The following WWOX variants were observed in gnomAD, a reference collection of about 807,000 sequenced individuals.
WWOX encodes the protein WW domain-containing oxidoreductase.
Under a neutral mutation model 46.2 loss-of-function variants are expected in WWOX, and 69 were observed. The observed-to-expected ratio is 1.49, with a 90% confidence interval of 1.23 to 1.82. The LOEUF is 1.82. Ranked by LOEUF, WWOX falls within the 40% of genes most tolerant of loss-of-function variation. WWOX has a pLI of 0.00. For missense variants in WWOX, 919 were observed against 542.6 expected, an observed-to-expected ratio of 1.69 and a Z score of -6.89; for synonymous variants, 359 against 202.6, an observed-to-expected ratio of 1.77 and a Z score of -6.56.
chr16:78,972,552 C>T (rs2151324769), intron 8 of WWOX, among the ~76,000 whole-genome samples: 1 of 151,498 alleles, frequency 6.6e-6, no homozygotes, highest in South Asian at 2.1e-4. Context: ...TGAAGAGTAG[C>T]AAATTTACCG....
intron 8 of WWOX, among the ~76,000 whole-genome samples, chr16:78,909,467 G>T (rs926145625): frequency 2.0e-5 from 3 of 152,180 alleles, no homozygotes; most frequent in Non-Finnish European, 4.4e-5. Flanking sequence ...TGTCAAAACA[G>T]GAGCTGTATT....
At chr16:78,659,100 AC>A (rs2047150305) in intron 8 of WWOX, among the ~76,000 whole-genome samples, 3 of 147,210 alleles carry the variant, frequency 2.0e-5, no homozygotes, top group East Asian at 2.0e-4. Flanking sequence ...TCAAAAAAAA[AC>A]AAACAAACAA....
chr16:78,111,265 A>C lies in WWOX; in HGVS notation c.230+1430A>C, dbSNP rs186590261. On this transcript the variant is annotated intron_variant, in intron 3 of 8. Transcript: ENST00000566780. Reference sequence around the variant, plus strand: ...ACTGTTTCAGTATAATAAAGAAAGTAGTTAGAATAAGAATAGTCATAATAC... The same window carrying C: ...ACTGTTTCAGTATAATAAAGAAAGTCGTTAGAATAAGAATAGTCATAATAC... Among the ~76,000 whole-genome samples the C allele has an allele frequency of 1.4e-3, 220 of 152,326 alleles. 1 individual carries two copies. The highest frequency in any genetic ancestry group is 5.1e-3 in the African/African-American group (213 of 41,578).
chr16:78,590,753 G>A (rs1003546749), intron 8 of WWOX, among the ~76,000 whole-genome samples: 2 of 152,176 alleles, frequency 1.3e-5, no homozygotes, highest in Admixed American at 6.5e-5. Flanking sequence ...GATGGGATCA[G>A]TGCCAGGTCT....
At chr16:79,087,507 C>G (rs1030417432) in intron 8 of WWOX, among the ~76,000 whole-genome samples, 1 of 152,224 alleles carries the variant, frequency 6.6e-6, no homozygotes, top group Non-Finnish European at 1.5e-5. Flanking sequence ...CATCTTAACC[C>G]TGTGCTAGAA....
chr16:78,849,573 C>CAAAAAAAA (rs778723646), intron 8 of WWOX, among the ~76,000 whole-genome samples: 2 of 97,340 alleles, frequency 2.1e-5, no homozygotes, highest in East Asian at 3.5e-4. Flanking sequence ...GAATCCCTCT[C>CAAAAAAAA]AAAAAAAAAA....
chr16:78,849,520 G>T (rs1335607197), intron 8 of WWOX, among the ~76,000 whole-genome samples: 3 of 149,406 alleles, frequency 2.0e-5, no homozygotes, highest in South Asian at 4.3e-4. Flanking sequence ...CTTGCAGTGA[G>T]CGGAGATCGT....
Position 78,585,031 on chromosome 16 carries a change from C to T in WWOX, c.1056+152279C>T, listed in dbSNP as rs80193223. 4.3e-3 allele frequency among the ~76,000 whole-genome samples: 653 copies of T among 152,304 alleles called. 8 individuals carry two copies. Among genetic ancestry groups the T allele is most frequent in the African/African-American group, 0.014 (596 of 41,554 alleles). On this transcript the variant is annotated intron_variant, in intron 8 of 8. Coordinates refer to ENST00000566780, the MANE Select transcript of WWOX (RefSeq NM_016373.4). Reference sequence around the variant, plus strand: ...TGACCGCTTGACCTAATTCCCTATTCAGCTGAGGCCTCCACCCCTGGCCTG... The same window carrying T: ...TGACCGCTTGACCTAATTCCCTATTTAGCTGAGGCCTCCACCCCTGGCCTG...
chr16:79,198,882 C>T (rs1187858334), intron 8 of WWOX, among the ~76,000 whole-genome samples: 1 of 152,106 alleles, frequency 6.6e-6, no homozygotes, highest in Non-Finnish European at 1.5e-5. Context: ...AAAATCCTGA[C>T]CTGAAGGTGT....
At chr16:78,268,467 C>T (rs2079411589) in intron 5 of WWOX, among the ~76,000 whole-genome samples, 1 of 152,170 alleles carries the variant, frequency 6.6e-6, no homozygotes, top group Admixed American at 6.5e-5. Context: ...AGAGTCACTA[C>T]CTGCATTTGC....
chr16:78,920,439 A>G (rs969361951), intron 8 of WWOX, among the ~76,000 whole-genome samples: 4 of 152,176 alleles, frequency 2.6e-5, no homozygotes, highest in East Asian at 1.9e-4. Flanking sequence ...CCAGCCACCT[A>G]TGGTTCTTTG....
intron 8 of WWOX, among the ~76,000 whole-genome samples, chr16:78,846,830 T>C (rs987514692): frequency 1.1e-4 from 16 of 152,230 alleles, no homozygotes; most frequent in African/African-American, 2.2e-4. Context: ...ATGACTGATA[T>C]TGTCTTTCTG....
chr16:78,750,178 T>G (rs2049442601), intron 8 of WWOX, among the ~76,000 whole-genome samples: 1 of 152,206 alleles, frequency 6.6e-6, no homozygotes, highest in Admixed American at 6.5e-5. Context: ...GTTTGTACAG[T>G]TCAGCTGCTG....
chr16:78,923,046 A>T (rs147923270), intron 8 of WWOX, among the ~76,000 whole-genome samples: 1 of 150,528 alleles, frequency 6.6e-6, no homozygotes, highest in Non-Finnish European at 1.5e-5. Flanking sequence ...CAATGGCGCA[A>T]TGTTGGTCCA....
intron 8 of WWOX, among the ~76,000 whole-genome samples, chr16:78,581,046 G>C (rs528057505): frequency 6.6e-6 from 1 of 152,144 alleles, no homozygotes; most frequent in African/African-American, 2.4e-5. Context: ...TCAGCCATCA[G>C]CCTTATTAGA....
At chr16:78,929,565 C>G (rs1024163984) in intron 8 of WWOX, among the ~76,000 whole-genome samples, 1 of 152,116 alleles carries the variant, frequency 6.6e-6, no homozygotes, top group Admixed American at 6.6e-5. Context: ...CAGTCATTCT[C>G]CTCCCCAAAT....
At chr16:78,940,649 G>A (rs907599922) in intron 8 of WWOX, among the ~76,000 whole-genome samples, 1 of 148,176 alleles carries the variant, frequency 6.7e-6, no homozygotes. Context: ...GTGCACATAT[G>A]TCTTTCTTTC....
intron 8 of WWOX, among the ~76,000 whole-genome samples, chr16:78,613,186 C>A (rs2045940366): frequency 6.6e-6 from 1 of 152,164 alleles, no homozygotes; most frequent in African/African-American, 2.4e-5. Flanking sequence ...TGCTGGTGCC[C>A]ATCACCCCGA....
intron 5 of WWOX, among the ~76,000 whole-genome samples, chr16:78,324,194 G>A (rs2080556352): frequency 6.6e-6 from 1 of 152,044 alleles, no homozygotes; most frequent in Admixed American, 6.6e-5. Flanking sequence ...AAGGAACTGA[G>A]GTTTTCTGTT....
Sources: allele counts gnomAD v4.1 joint callset (sites outside exome capture counted in the v4.1 genomes callset), GRCh38; gene constraint gnomAD v4.1.1; transcripts MANE v1.5; gene names NCBI Gene and HGNC (gene_info 2026-07-23, HGNC 2026-07-21).